Variants in CLSPN observed in about 807,000 individuals in gnomAD.
CLSPN encodes the protein claspin, also known as claspin homolog.
Under a neutral mutation model 156.3 loss-of-function variants are expected in CLSPN, and 85 were observed. The ratio of observed to expected loss-of-function variants is 0.54; its 90% CI spans 0.46 to 0.65. The LOEUF (loss-of-function observed/expected upper bound fraction) is 0.65. Ranked by LOEUF, CLSPN falls within the 30% of genes least tolerant of loss-of-function variation. The pLI, the probability that CLSPN is intolerant of heterozygous loss-of-function variation, is 0.00. For missense variants in CLSPN, 1,407 were observed against 1,554.9 expected (o/e 0.90, Z 1.60); for synonymous variants, 534 against 542.4 (o/e 0.98, Z 0.22).
At position 35,769,902 on chromosome 1, in the gene CLSPN, C is replaced by T. The variant is rs371663391; in HGVS notation, c.-32G>A. ...TGCCTCCCCTGCGCTCCACTAGGGA[C>T]GGAGCTGTCTCTGATTCCCTCAGCC... is the stretch of plus-strand genomic sequence containing the variant. On this transcript the variant is annotated 5_prime_UTR_variant, in exon 1 of 25. Coordinates refer to ENST00000318121, the MANE Select transcript of CLSPN (RefSeq NM_022111.4). 7.1e-5 allele frequency: 114 copies of T among 1,607,588 alleles called. 1 individual carries two copies. The Middle Eastern group carries it at 8.2e-4, about 12-fold the overall frequency.
rs1299797728 is a variant in CLSPN at position 35,735,010 on chromosome 1, T to G, written c.*1486A>C. ...TTTATTAAATTCCATGGTGGCCTTC[T>G]CTCAAAATTAGTAATGAAATGCTGA... On this transcript the variant is annotated 3_prime_UTR_variant, in exon 25 of 25. Transcript: ENST00000318121. 33 of 985,342 alleles carry G rather than the reference T, an allele frequency of 3.3e-5. No homozygotes were observed. Among genetic ancestry groups the G allele is most frequent in the Non-Finnish European group, 3.7e-5 (31 of 829,920 alleles). The allele number at this position is 985,342 out of a possible 1,614,324, so 61.0% of individuals were successfully genotyped here.
At chr1:35,741,037 TATG>T (rs1351607627) in intron 18 of CLSPN, among the ~76,000 whole-genome samples, 1 of 152,174 alleles carries the variant, frequency 6.6e-6, no homozygotes. Flanking sequence ...TAGGGATCAA[TATG>T]ATGTCCTATA....
rs894279301 is a variant in CLSPN at position 35,748,434 on chromosome 1, G to C, written c.2443C>G (p.Arg815Gly). ...GFRSPSPGLFRASLVSSASKS... is the reference protein window; with the variant it reads ...GFRSPSPGLFGASLVSSASKS... ...GAAGCTGAGCTGACCAAACTGGCTCGAAATAGCCCAGGGGAAGGAGATCTG... is the reference window on the plus strand; with the variant it reads ...GAAGCTGAGCTGACCAAACTGGCTCCAAATAGCCCAGGGGAAGGAGATCTG... Residue 815 changes from arginine to glycine, a missense_variant, in exon 13 of 25, where the codon CGA becomes GGA. Arg to Gly is a moderately radical substitution (Grantham distance 125). Around this residue, in one of 3 missense-constraint regions of CLSPN, gnomAD observed 1,096 missense variants for 1,193.0 expected, o/e 0.92. Transcript: ENST00000318121. 11 of 1,613,962 alleles carry C rather than the reference G, an allele frequency of 6.8e-6. No individual in the cohort carries two copies. The highest frequency in any genetic ancestry group is 8.5e-6 in the Non-Finnish European group (10 of 1,179,930).
chr1:35,744,288 T>C (rs906643051), intron 16 of CLSPN, among the ~76,000 whole-genome samples: 4 of 152,202 alleles, frequency 2.6e-5, no homozygotes, highest in African/African-American at 9.7e-5. Context: ...CTAAGGTTCA[T>C]CCATGTTGTA....
At chr1:35,766,916 G>A (rs903300594) in intron 1 of CLSPN, among the ~76,000 whole-genome samples, 3 of 149,914 alleles carry the variant, frequency 2.0e-5, no homozygotes, top group Non-Finnish European at 3.0e-5. Flanking sequence ...CACCATGCCC[G>A]GCTAATTTTT....
Position 35,743,414 on chromosome 1 carries a change from A to G in CLSPN, c.3042+41T>C, listed in dbSNP as rs770858247. The G allele has an allele frequency of 4.6e-6, 7 of 1,527,016 alleles. No homozygotes were observed. In the East Asian group the frequency reaches 1.6e-4, roughly 34 times the overall value. The allele number at this position is 1,527,016 out of a possible 1,614,324, so 94.6% of individuals were successfully genotyped here. ...AAAAAACACTTGAGGGCAGCAATAC[A>G]TGGAGCTCAGTTATGATTACTTTGT... On this transcript the variant is annotated intron_variant, in intron 17 of 24. Transcript: ENST00000318121.
In CLSPN at chr1:35,751,363, T is replaced by C. The variant is rs1158510824; in HGVS notation, c.1915A>G (p.Thr639Ala). The change falls in exon 10 of 25, where the codon ACA becomes GCA. Residue 639 changes from threonine (T) to alanine (A), a missense_variant. By Grantham distance (58) the Thr-to-Ala change is moderately conservative. Around this residue, in one of 3 missense-constraint regions of CLSPN, gnomAD observed 1,096 missense variants for 1,193.0 expected, o/e 0.92. Transcript: ENST00000318121. ...TCTCCATCTTCCTCAGACTCATCTG[T>C]CATTTCTTCCTCTTCCTCCTCCTCT... The part of the protein sequence containing the change: ...EEEEEEEEEM[T>A]DESEEDGEEK... The C allele has an allele frequency of 2.5e-6, 4 of 1,606,950 alleles. No homozygotes were observed. The highest frequency in any genetic ancestry group is 4.5e-5 in the East Asian group (2 of 44,808).
intron 9 of CLSPN, among the ~76,000 whole-genome samples, chr1:35,752,116 C>A (rs1333152706): frequency 6.6e-6 from 1 of 152,084 alleles, no homozygotes; most frequent in Non-Finnish European, 1.5e-5. Flanking sequence ...TATATCATGA[C>A]AATTCCACTG....
At position 35,760,415 on chromosome 1, in the gene CLSPN, T is replaced by G; in HGVS notation, c.1506A>C (p.Val502=). 6.2e-7 allele frequency: 1 copy of G among 1,614,244 alleles called. No individual in the cohort carries two copies. Among genetic ancestry groups the G allele is most frequent in the Non-Finnish European group, 8.5e-7 (1 of 1,180,040 alleles). ...CTAGCCGTGGTTTAATGGAAACATC[T>G]ACTCCCAGTTGCTTAAGTCTATCCA... The part of the protein sequence containing the change: ...FTLDRLKQLG[V]DVSIKPRLGA... The change falls in exon 8 of 25, where the codon GTA becomes GTC. Residue 502 remains valine, a synonymous_variant. Transcript: ENST00000318121.
chr1:35,766,378 T>C (rs1642675525), intron 1 of CLSPN, among the ~76,000 whole-genome samples: 1 of 152,026 alleles, frequency 6.6e-6, no homozygotes. Context: ...AGTGAATGTA[T>C]ATATGTGTGT....
chr1:35,731,747 C>T (rs970469759), downstream of CLSPN, among the ~76,000 whole-genome samples: 1 of 151,998 alleles, frequency 6.6e-6, no homozygotes, highest in Admixed American at 6.6e-5. Flanking sequence ...AAGAACAGGT[C>T]AAGAATGCTC....
In CLSPN at chr1:35,760,540, G is replaced by T; in HGVS notation, c.1381C>A (p.Pro461Thr). Residue 461 changes from proline (P) to threonine (T), a missense_variant, in exon 8 of 25, where the codon CCC becomes ACC. By Grantham distance (38) the Pro-to-Thr change is conservative (BLOSUM62 -1). This residue lies in a region of CLSPN where 1,096 missense variants were observed against 1,193.0 expected (regional missense o/e 0.92). Coordinates refer to ENST00000318121, the MANE Select transcript of CLSPN (RefSeq NM_022111.4). ...FEPHALEGEG[P>T]QNPEETDEKV... ...TCATCTGTTTCTTCTGGATTTTGGGGGCCTTCACCCTCCAGGGCATGAGGT... is the reference window on the plus strand; with the variant it reads ...TCATCTGTTTCTTCTGGATTTTGGGTGCCTTCACCCTCCAGGGCATGAGGT... 6 of 1,614,096 alleles carry T rather than the reference G, an allele frequency of 3.7e-6. No individual in the cohort carries two copies. The highest frequency in any genetic ancestry group is 5.1e-6 in the Non-Finnish European group (6 of 1,180,018).
intron 8 of CLSPN, 76 bp downstream of exon 8, chr1:35,760,266 T>A: frequency 8.6e-7 from 1 of 1,164,988 alleles, no homozygotes; most frequent in Non-Finnish European, 1.2e-6. Flanking sequence ...GTGTTCTCTG[T>A]CCTCGACAGT....
chr1:35,739,586 G>T, intron 18 of CLSPN, 57 bp from the exon 19 acceptor site: 2 of 1,346,432 alleles, frequency 1.5e-6, no homozygotes, highest in Non-Finnish European at 2.1e-6. Flanking sequence ...CACAGAATAT[G>T]GAAGCAAAGA....
chr1:35,726,961 C>T (rs1200869813), intron 24 of CLSPN, among the ~76,000 whole-genome samples: 2 of 152,072 alleles, frequency 1.3e-5, no homozygotes, highest in African/African-American at 2.4e-5. Context: ...GTGAAGTTGC[C>T]GGGGAAAAGG....
At chr1:35,729,521 C>A (rs1031001182), downstream of CLSPN, among the ~76,000 whole-genome samples, 2 of 152,162 alleles carry the variant, frequency 1.3e-5, no homozygotes, top group Non-Finnish European at 2.9e-5. Flanking sequence ...ATGGGAAGGA[C>A]GTGGATGGTA....
At chr1:35,743,088 A>T in intron 18 of CLSPN, 53 bp downstream of exon 18, 1 of 1,406,678 alleles carries the variant, frequency 7.1e-7, no homozygotes, top group Non-Finnish European at 1.0e-6. Flanking sequence ...TGCCTGGCCT[A>T]GTGACCAAAT....
intron 24 of CLSPN, among the ~76,000 whole-genome samples, chr1:35,722,809 C>G (rs1229587118): frequency 6.6e-6 from 1 of 150,788 alleles, no homozygotes; most frequent in Non-Finnish European, 1.5e-5. Context: ...TTTTGTATTT[C>G]TAATAGAGAC....
intron 1 of CLSPN, among the ~76,000 whole-genome samples, chr1:35,769,464 C>A (rs931012347): frequency 7.9e-5 from 12 of 152,244 alleles, no homozygotes; most frequent in Non-Finnish European, 1.2e-4. Context: ...CCCCGCACCG[C>A]TGCGGCCGGG....
Sources: allele counts gnomAD v4.1 joint callset (sites outside exome capture counted in the v4.1 genomes callset), GRCh38; gene constraint gnomAD v4.1.1; regional missense constraint gnomAD v4.1.1; transcripts MANE v1.5; gene names NCBI Gene and HGNC (gene_info 2026-07-23, HGNC 2026-07-21).